Variants in ARID3B observed in about 807,000 individuals in gnomAD.
The protein encoded by ARID3B is AT-rich interactive domain-containing protein 3B.
ARID3B carries 10 observed loss-of-function variants against 51.9 expected under a neutral mutation model. The observed-to-expected ratio is 0.19, with a 90% CI of 0.12 to 0.33. The LOEUF (loss-of-function observed/expected upper bound fraction) is 0.33. ARID3B is among the 10% of genes least tolerant of loss of function. The pLI is 1.00. For missense variants in ARID3B, 483 were observed against 716.3 expected (o/e 0.67, Z 3.72); for synonymous variants, 205 against 279.5 (o/e 0.73, Z 2.66).
chr15:74,546,850 C>T (rs987798357), intron 2 of ARID3B, among the ~76,000 whole-genome samples: 18 of 152,280 alleles, frequency 1.2e-4, no homozygotes, highest in East Asian at 5.8e-4. Flanking sequence ...CAGATGTGCA[C>T]GTCCTTTTCC....
At chr15:74,552,207 G>A (rs1415308730) in intron 2 of ARID3B, among the ~76,000 whole-genome samples, 3 of 142,610 alleles carry the variant, frequency 2.1e-5, no homozygotes, top group South Asian at 2.2e-4. Context: ...GACAACAGGC[G>A]CATGCCACCA....
At position 74,573,111 on chromosome 15, in the gene ARID3B, C is replaced by T. The variant is rs1159428103; in HGVS notation, c.625-21C>T. 8.7e-6 allele frequency: 14 copies of T among 1,612,750 alleles called. No individual in the cohort carries two copies. In the East Asian group the frequency reaches 2.9e-4, roughly 33 times the overall value. ...ATGGAATTTTTCACTGTGTGTTTTT[C>T]TTGGGGGATTGGGATTGCAGCTGTA... On this transcript the variant is annotated intron_variant, in intron 3 of 8. Transcript: ENST00000346246.
At chr15:74,564,446 A>C (rs761666097) in intron 2 of ARID3B, among the ~76,000 whole-genome samples, 7 of 152,236 alleles carry the variant, frequency 4.6e-5, no homozygotes, top group Non-Finnish European at 1.0e-4. Context: ...CTGCAGAGCC[A>C]TGGATCTGGC....
rs376645715 is a variant in ARID3B at position 74,545,404 on chromosome 15, A to G, written c.552+916A>G. Reference sequence around the variant, plus strand: ...TGAAGTGACTTCCAAATGGCTGAGTATCAGAGTCAGTTAGGGAGCTTTTTA... The same window carrying G: ...TGAAGTGACTTCCAAATGGCTGAGTGTCAGAGTCAGTTAGGGAGCTTTTTA... On this transcript the variant is annotated intron_variant, in intron 2 of 8. Transcript: ENST00000346246. Among the ~76,000 whole-genome samples the G allele has an allele frequency of 1.1e-3, 160 of 152,378 alleles. 13 individuals carry two copies. In the South Asian group the frequency reaches 0.032, roughly 31 times the overall value.
rs2141484597 is a variant in ARID3B, at chr15:74,596,194, C to T, written c.*420C>T. On this transcript the variant is annotated 3_prime_UTR_variant, in exon 9 of 9. Transcript: ENST00000346246. ...ATGACCCCAGGGCCACTAGTCTCTTCCCCTGTTTTTAAGTCCCATGTGGGG... is the reference window on the plus strand; with the variant it reads ...ATGACCCCAGGGCCACTAGTCTCTTTCCCTGTTTTTAAGTCCCATGTGGGG... 1 of 243,478 alleles carries T rather than the reference C, an allele frequency of 4.1e-6. No individual in the cohort carries two copies. The highest frequency in any genetic ancestry group is 6.0e-5 in the East Asian group (1 of 16,744). The allele number at this position is 243,478 out of a possible 1,614,324, so 15.1% of individuals were successfully genotyped here.
intron 5 of ARID3B, among the ~76,000 whole-genome samples, 153 bp from the exon 6 acceptor site, chr15:74,590,998 A>G (rs1392751039): frequency 6.6e-6 from 1 of 152,194 alleles, no homozygotes; most frequent in Non-Finnish European, 1.5e-5. Flanking sequence ...GTGTCCGGCC[A>G]TCCCAGACTT....
At chr15:74,590,893 C>T (rs985465258) in intron 5 of ARID3B, among the ~76,000 whole-genome samples, 2 of 152,166 alleles carry the variant, frequency 1.3e-5, no homozygotes, top group Non-Finnish European at 2.9e-5. Flanking sequence ...AATGTGAAAA[C>T]GCCAACTAAG....
chr15:74,589,813 A>G lies in ARID3B; in HGVS notation c.698-7A>G. On this transcript the variant is annotated splice_polypyrimidine_tract_variant and splice_region_variant and intron_variant, in intron 4 of 8. Coordinates refer to ENST00000346246, the MANE Select transcript of ARID3B (RefSeq NM_006465.4). ...CGCTGTCTCTTTCTCTCGTTGGACAACCACAGGGACCCCCATCAACCGAAT... is the reference window on the plus strand; with the variant it reads ...CGCTGTCTCTTTCTCTCGTTGGACAGCCACAGGGACCCCCATCAACCGAAT... 1 of 1,598,822 alleles carries G rather than the reference A, an allele frequency of 6.3e-7. No homozygotes were observed. The highest frequency in any genetic ancestry group is 8.5e-7 in the Non-Finnish European group (1 of 1,170,618).
At chr15:74,578,169 GTT>G (rs60825645) in intron 4 of ARID3B, among the ~76,000 whole-genome samples, 1 of 139,342 alleles carries the variant, frequency 7.2e-6, no homozygotes, top group Admixed American at 7.7e-5. Flanking sequence ...TCTTTTTTTT[GTT>G]TTTTTTTGTT....
At position 74,596,964 on chromosome 15, in the gene ARID3B, G is replaced by A; in HGVS notation, c.*1190G>A. On this transcript the variant is annotated 3_prime_UTR_variant, in exon 9 of 9. Coordinates refer to ENST00000346246, the MANE Select transcript of ARID3B (RefSeq NM_006465.4). Reference sequence around the variant, plus strand: ...GAGACGACTCAGGGATCGCGGGGGCGGGGAGGTGGAGTGGAGAGGCCCGCT... The same window carrying A: ...GAGACGACTCAGGGATCGCGGGGGCAGGGAGGTGGAGTGGAGAGGCCCGCT... The A allele has an allele frequency of 4.3e-6, 1 of 233,836 alleles. No homozygotes were observed. The highest frequency in any genetic ancestry group is 8.5e-6 in the Non-Finnish European group (1 of 118,144). 14.5% of individuals were successfully genotyped at this position (233,836 alleles called of 1,614,324 possible).
At chr15:74,575,587 T>C (rs1393175448) in intron 4 of ARID3B, among the ~76,000 whole-genome samples, 3 of 152,224 alleles carry the variant, frequency 2.0e-5, no homozygotes, top group African/African-American at 7.2e-5. Flanking sequence ...GAACAGTCTT[T>C]GCTGCATATC....
chr15:74,577,045 T>G (rs748699143), intron 4 of ARID3B, among the ~76,000 whole-genome samples: 7 of 152,220 alleles, frequency 4.6e-5, no homozygotes, highest in Non-Finnish European at 7.3e-5. Context: ...TTCAGGAAAC[T>G]TGCCGTGGCA....
At chr15:74,556,289 A>C (rs1487525662) in intron 2 of ARID3B, among the ~76,000 whole-genome samples, 1 of 152,176 alleles carries the variant, frequency 6.6e-6, no homozygotes, top group African/African-American at 2.4e-5. Flanking sequence ...AGGAACAGCT[A>C]GGGTGGTTGG....
intron 2 of ARID3B, among the ~76,000 whole-genome samples, chr15:74,550,615 G>T (rs998088832): frequency 1.3e-5 from 2 of 151,870 alleles, no homozygotes; most frequent in African/African-American, 4.8e-5. Flanking sequence ...GCTGAGGCAG[G>T]AGAGTGGCAT....
intron 2 of ARID3B, among the ~76,000 whole-genome samples, chr15:74,554,391 C>T (rs1247094407): frequency 6.6e-6 from 1 of 152,096 alleles, no homozygotes; most frequent in African/African-American, 2.4e-5. Context: ...TAACCTCTGC[C>T]TCCCGGGCTC....
At chr15:74,554,829 A>G (rs920518699) in intron 2 of ARID3B, among the ~76,000 whole-genome samples, 1 of 152,134 alleles carries the variant, frequency 6.6e-6, no homozygotes, top group Non-Finnish European at 1.5e-5. Flanking sequence ...TCAGTTCCAG[A>G]CCACCACAAT....
intron 4 of ARID3B, among the ~76,000 whole-genome samples, chr15:74,582,753 G>A (rs2141473770): frequency 6.6e-6 from 1 of 152,280 alleles, no homozygotes; most frequent in Non-Finnish European, 1.5e-5. Flanking sequence ...ATGAGTGCTT[G>A]TGTTCACTGA....
chr15:74,566,762 T>C (rs2061700452), intron 2 of ARID3B, among the ~76,000 whole-genome samples: 1 of 152,132 alleles, frequency 6.6e-6, no homozygotes, highest in South Asian at 2.1e-4. Context: ...GAAAATAATA[T>C]AATTTTTAAA....
At chr15:74,554,684 T>G (rs1244725676) in intron 2 of ARID3B, among the ~76,000 whole-genome samples, 2 of 152,216 alleles carry the variant, frequency 1.3e-5, no homozygotes, top group Admixed American at 6.5e-5. Context: ...TTGATCGAGT[T>G]TTATTTATTT....
Sources: gnomAD v4.1 joint callset for allele counts (sites outside exome capture counted in the v4.1 genomes callset) on GRCh38, gnomAD v4.1.1 for gene constraint, MANE v1.5 for transcripts, NCBI Gene and HGNC (gene_info 2026-07-23, HGNC 2026-07-21) for gene names.